The following ADGRE1 variants were observed in gnomAD, a reference collection of about 807,000 sequenced individuals.
ADGRE1 encodes EGF-like module receptor 1.
ADGRE1 carries 82 observed loss-of-function variants against 102.7 expected under a neutral mutation model. The ratio of observed to expected loss-of-function variants is 0.80; its 90% CI spans 0.67 to 0.96. The LOEUF (loss-of-function observed/expected upper bound fraction) is 0.96. ADGRE1 is among the 40% of genes least tolerant of loss of function. ADGRE1 has a pLI of 0.00. For missense variants in ADGRE1, 1,032 were observed against 1,085.3 expected, an observed-to-expected ratio of 0.95 and a Z score of 0.69; for synonymous variants, 398 against 399.6, an observed-to-expected ratio of 1.00 and a Z score of 0.05.
chr19:6,913,759 A>C lies in ADGRE1; in HGVS notation c.1229A>C (p.Glu410Ala), dbSNP rs140964323. 54 of 1,612,882 alleles carry C rather than the reference A, an allele frequency of 3.3e-5. No homozygotes were observed. In the African/African-American group the frequency reaches 7.1e-4, roughly 21 times the overall value. The change falls in exon 11 of 21, where the codon GAA becomes GCA. Residue 410 changes from glutamate to alanine, a missense_variant. Coordinates refer to ENST00000312053, the MANE Select transcript of ADGRE1 (RefSeq NM_001974.5). ...GCCACAGTCTTCCTGGAGAGTGTGG[A>C]AAGCATGACACTGGCATCTTTTTGG... ...SLATVFLESV[E>A]SMTLASFWKP...
At chr19:6,919,005 G>A (rs1210812373) in intron 12 of ADGRE1, among the ~76,000 whole-genome samples, 2 of 151,596 alleles carry the variant, frequency 1.3e-5, no homozygotes, top group African/African-American at 4.9e-5. Flanking sequence ...GATTACAGGC[G>A]TGAGCCACTC....
chr19:6,895,007 T>C (rs1029933721), intron 2 of ADGRE1: 1 of 152,232 alleles, frequency 6.6e-6, no homozygotes, highest in Non-Finnish European at 1.5e-5. Flanking sequence ...AATGAAACAA[T>C]GCAGATGTTT....
chr19:6,927,638 G>GATTTATTT (rs773476947), intron 16 of ADGRE1, among the ~76,000 whole-genome samples: 2 of 151,866 alleles, frequency 1.3e-5, no homozygotes, highest in African/African-American at 2.4e-5. Flanking sequence ...TTTGAGCTGA[G>GATTTATTT]ATTTATTTAT....
intron 8 of ADGRE1, among the ~76,000 whole-genome samples, chr19:6,904,479 C>A (rs2546138): frequency 0.44 from 66,744 of 151,156 alleles, 17,781 homozygotes; most frequent in African/African-American, 0.75. Context: ...ACACACACAC[C>A]CAATTATTTA....
At chr19:6,934,530 C>T (rs1301567732) in intron 17 of ADGRE1, among the ~76,000 whole-genome samples, 3 of 150,684 alleles carry the variant, frequency 2.0e-5, no homozygotes, top group Non-Finnish European at 4.4e-5. Context: ...AAGTGATTCT[C>T]ATGCCTCAGC....
chr19:6,930,315 C>G (rs900303677), intron 17 of ADGRE1, among the ~76,000 whole-genome samples: 3 of 152,124 alleles, frequency 2.0e-5, no homozygotes, highest in Non-Finnish European at 2.9e-5. Context: ...TGTTAAACAC[C>G]CATCTCTTTG....
At position 6,897,210 on chromosome 19, in the gene ADGRE1, G is replaced by T. The variant is rs554194774; in HGVS notation, c.300G>T (p.Leu100=). 3 of 1,612,506 alleles carry T rather than the reference G, an allele frequency of 1.9e-6. No individual in the cohort carries two copies. Among genetic ancestry groups the T allele is most frequent in the Admixed American group, 1.7e-5 (1 of 59,670 alleles). Residue 100 remains leucine (L), a synonymous_variant, in exon 4 of 21, where the codon CTG becomes CTT. Coordinates refer to ENST00000312053, the MANE Select transcript of ADGRE1 (RefSeq NM_001974.5). The stretch of plus-strand genomic sequence containing the variant: ...GTCCTAACTCATCCTGCAAAAACCT[G>T]TCAGGGAGGTACAAGTGCAGCTGTT... ...PCGPNSSCKN[L]SGRYKCSCLD...
intron 2 of ADGRE1, among the ~76,000 whole-genome samples, chr19:6,892,986 C>G (rs1973432157): frequency 6.6e-6 from 1 of 152,112 alleles, no homozygotes; most frequent in Non-Finnish European, 1.5e-5. Context: ...TCCCCCTTCC[C>G]CACTATCCTT....
intron 2 of ADGRE1, 100 bp downstream of exon 2, chr19:6,890,643 G>T: frequency 7.8e-7 from 1 of 1,283,306 alleles, no homozygotes; most frequent in South Asian, 1.3e-5. Context: ...GATGCTTGCT[G>T]GGAGCTAGTT....
At position 6,897,438 on chromosome 19, in the gene ADGRE1, G is replaced by T; in HGVS notation, c.405G>T (p.Glu135Asp). The change falls in exon 5 of 21, where the codon GAG becomes GAT. Residue 135 changes from glutamate to aspartate, a missense_variant. Physicochemically the swap from Glu to Asp is conservative, Grantham distance 45. Transcript: ENST00000312053. ...TCCACTGCTTCTCAGATATCAATGA[G>T]TGCCTCACCAGCAGCGTCTGCCCTG... ...PGNFSCTDIN[E>D]CLTSSVCPEH... The T allele has an allele frequency of 6.3e-7, 1 of 1,594,764 alleles. No homozygotes were observed. The highest frequency in any genetic ancestry group is 8.5e-7 in the Non-Finnish European group (1 of 1,170,344).
At chr19:6,911,606 T>G (rs573411383) in intron 10 of ADGRE1, among the ~76,000 whole-genome samples, 3 of 147,318 alleles carry the variant, frequency 2.0e-5, no homozygotes, top group South Asian at 4.4e-4. Context: ...CATACACACA[T>G]ATACATACAT....
intron 2 of ADGRE1, among the ~76,000 whole-genome samples, chr19:6,892,695 G>C (rs570124834): frequency 6.6e-6 from 1 of 152,264 alleles, no homozygotes; most frequent in East Asian, 1.9e-4. Context: ...CAATAGTCAA[G>C]ATATGGAATC....
intron 17 of ADGRE1, among the ~76,000 whole-genome samples, chr19:6,933,092 G>A (rs370223242): frequency 7.9e-5 from 12 of 151,872 alleles, no homozygotes; most frequent in African/African-American, 2.7e-4. Context: ...GTGGTGGCCC[G>A]CGCCTGTAAT....
intron 8 of ADGRE1, 87 bp downstream of exon 8, chr19:6,904,269 C>T: frequency 6.6e-7 from 1 of 1,512,590 alleles, no homozygotes; most frequent in Non-Finnish European, 8.9e-7. Context: ...TCGGGATCTT[C>T]CTCTTAGTGT....
chr19:6,906,308 C>T (rs1488741751), intron 8 of ADGRE1, 125 bp from the exon 9 acceptor site: 10 of 723,954 alleles, frequency 1.4e-5, no homozygotes, highest in Non-Finnish European at 2.4e-5. Flanking sequence ...TCATTTTCCC[C>T]CTTGTGTATT....
At chr19:6,907,847 A>G (rs1204980736) in intron 9 of ADGRE1, among the ~76,000 whole-genome samples, 1 of 152,200 alleles carries the variant, frequency 6.6e-6, no homozygotes, top group Non-Finnish European at 1.5e-5. Context: ...TGTAGTACAT[A>G]TCAGAGAACT....
At chr19:6,906,091 G>C (rs1421996031) in intron 8 of ADGRE1, among the ~76,000 whole-genome samples, 1 of 152,038 alleles carries the variant, frequency 6.6e-6, no homozygotes, top group African/African-American at 2.4e-5. Flanking sequence ...AATTTGCTCT[G>C]TTTCACTCAA....
At chr19:6,900,151 G>A (rs987650492) in intron 5 of ADGRE1, among the ~76,000 whole-genome samples, 1 of 151,692 alleles carries the variant, frequency 6.6e-6, no homozygotes, top group African/African-American at 2.4e-5. Context: ...CATTAAAGCA[G>A]TCATCACACC....
Position 6,919,528 on chromosome 19 carries a change from T to G in ADGRE1, c.1421-20T>G. On this transcript the variant is annotated intron_variant, in intron 12 of 20. Transcript: ENST00000312053. ...TGAGCAAACGATTCCTTCCTTTTTT[T>G]CATTTGGGGAAACCTGCAGAGACCA... 6.2e-7 allele frequency: 1 copy of G among 1,601,956 alleles called. No homozygotes were observed. The highest frequency in any genetic ancestry group is 8.5e-7 in the Non-Finnish European group (1 of 1,173,578).
Sources: allele counts gnomAD v4.1 joint callset (sites outside exome capture counted in the v4.1 genomes callset), GRCh38; gene constraint gnomAD v4.1.1; transcripts MANE v1.5; gene names NCBI Gene and HGNC (gene_info 2026-07-23, HGNC 2026-07-21).